Variants in CMPK1 observed in about 807,000 individuals in gnomAD.
The protein encoded by CMPK1 is UMP-CMP kinase.
In CMPK1, 10 loss-of-function variants were observed where a neutral mutation model predicts 25.7. The ratio of observed to expected loss-of-function variants is 0.39; its 90% CI spans 0.24 to 0.66. The LOEUF is 0.66. CMPK1 is among the 30% of genes least tolerant of loss of function. The pLI, the probability that CMPK1 is intolerant of heterozygous loss-of-function variation, is 0.48. For synonymous variants in CMPK1, 106 were observed against 101.5 expected (o/e 1.04, Z -0.27); for missense variants, 199 against 280.5 (o/e 0.71, Z 2.08).
intron 1 of CMPK1, among the ~76,000 whole-genome samples, chr1:47,354,896 G>T (rs1345886510): frequency 1.3e-5 from 2 of 151,980 alleles, no homozygotes; most frequent in Non-Finnish European, 2.9e-5. Flanking sequence ...TAAATAATTT[G>T]CCCAAGACTG....
In CMPK1 at chr1:47,339,047, C is replaced by CTTTT. The variant is rs397965092; in HGVS notation, c.171+4944_171+4947dup. Among the ~76,000 whole-genome samples, 1,070 of 142,896 alleles carry CTTTT rather than the reference C, an allele frequency of 7.5e-3. 12 individuals are homozygous for CTTTT. The highest frequency in any genetic ancestry group is 0.026 in the African/African-American group (1,003 of 38,590). 93.7% of individuals were successfully genotyped at this position (142,896 alleles called of 152,430 possible). A position where few individuals can be genotyped will look rare whatever the true frequency, so the allele number is the denominator to read the frequency against. On this transcript the variant is annotated intron_variant, in intron 1 of 5. Transcript: ENST00000371873. ...ATTGCTTTCTGTAGCACCCAGAAAA[C>CTTTT]TTTTTTTTTTTTTTTTGAGAGAGGG...
At chr1:47,338,656 G>T (rs1221588844) in intron 1 of CMPK1, among the ~76,000 whole-genome samples, 3 of 140,970 alleles carry the variant, frequency 2.1e-5, no homozygotes, top group Non-Finnish European at 4.6e-5. Flanking sequence ...TGGAGAATTT[G>T]TTTTATTTTC....
Position 47,359,390 on chromosome 1 carries a change from T to TTC in CMPK1, c.172-9078_172-9077insCT, listed in dbSNP as rs1553189274. On this transcript the variant is annotated intron_variant, in intron 1 of 5. Coordinates refer to ENST00000371873, the MANE Select transcript of CMPK1 (RefSeq NM_016308.3). ...GGTTGTTAAGAAACCTTTTTTCTTT[T>TTC]TTTTTTTTTTTTTTTGAGATAAAGT... Among the ~76,000 whole-genome samples the TTC allele has an allele frequency of 6.1e-3, 774 of 126,590 alleles. 67 individuals carry two copies. The highest frequency in any genetic ancestry group is 0.032 in the African/African-American group (722 of 22,648). The allele number at this position is 126,590 out of a possible 152,430, so 83.0% of individuals were successfully genotyped here.
At chr1:47,365,864 T>C (rs1397159185) in intron 1 of CMPK1, among the ~76,000 whole-genome samples, 1 of 152,184 alleles carries the variant, frequency 6.6e-6, no homozygotes, top group Non-Finnish European at 1.5e-5. Context: ...GCACTTATTC[T>C]AAATGAATTG....
At chr1:47,375,151 G>A (rs749505722) in intron 4 of CMPK1, 46 bp from the exon 5 acceptor site, 11 of 1,452,214 alleles carry the variant, frequency 7.6e-6, no homozygotes, top group Non-Finnish European at 1.1e-5. Flanking sequence ...ACATGTAGAA[G>A]AAAGGATAGA....
chr1:47,343,841 C>T (rs571469184), intron 1 of CMPK1, among the ~76,000 whole-genome samples: 16 of 151,508 alleles, frequency 1.1e-4, no homozygotes, highest in African/African-American at 3.4e-4. Context: ...GAGCCGAGAT[C>T]GCGCCACTGC....
chr1:47,337,889 G>T (rs11578038), intron 1 of CMPK1, among the ~76,000 whole-genome samples: 26,885 of 152,152 alleles, frequency 0.18, 2,989 homozygotes, highest in East Asian at 0.53. Flanking sequence ...GGGATTACAG[G>T]TGTGAGCCAC....
At chr1:47,363,553 G>A (rs1233240513) in intron 1 of CMPK1, among the ~76,000 whole-genome samples, 4 of 152,218 alleles carry the variant, frequency 2.6e-5, no homozygotes, top group African/African-American at 4.8e-5. Flanking sequence ...CAGGAGAATC[G>A]CTTGAACCCT....
Position 47,374,897 on chromosome 1 carries a change from ATC to A in CMPK1, c.472-8_472-7del, listed in dbSNP as rs766910955. 1.3e-6 allele frequency: 2 copies of A among 1,587,528 alleles called. No homozygotes were observed. The highest frequency in any genetic ancestry group is 2.2e-5 in the South Asian group (2 of 89,546). On this transcript the variant is annotated splice_polypyrimidine_tract_variant and intron_variant, in intron 3 of 5. Transcript: ENST00000371873. ...ATATCTATATTTTTAATAACTTTGT[ATC>A]TCTTTTTAGATTTGTATTGAACGAT...
At chr1:47,340,660 G>A (rs941992220) in intron 1 of CMPK1, among the ~76,000 whole-genome samples, 2 of 149,116 alleles carry the variant, frequency 1.3e-5, no homozygotes, top group South Asian at 2.1e-4. Flanking sequence ...TTTTTTTTTC[G>A]AGGCAGAGTT....
intron 2 of CMPK1, among the ~76,000 whole-genome samples, chr1:47,371,545 A>T (rs1170916290): frequency 6.6e-6 from 1 of 152,112 alleles, no homozygotes; most frequent in Non-Finnish European, 1.5e-5. Flanking sequence ...GTTCTTTATG[A>T]CAGCGTCTCT....
intron 1 of CMPK1, among the ~76,000 whole-genome samples, chr1:47,334,806 C>G (rs116403805): frequency 4.6e-5 from 7 of 152,218 alleles, no homozygotes; most frequent in Admixed American, 2.0e-4. Context: ...TGCCAACTCA[C>G]GCTCGGCCCT....
intron 1 of CMPK1, among the ~76,000 whole-genome samples, chr1:47,355,637 C>T (rs1014335065): frequency 4.1e-5 from 6 of 147,048 alleles, no homozygotes; most frequent in Non-Finnish European, 7.5e-5. Context: ...GACAGAGTCT[C>T]GCTCTGTTGC....
intron 1 of CMPK1, among the ~76,000 whole-genome samples, chr1:47,354,183 T>C (rs994315803): frequency 1.3e-5 from 2 of 151,888 alleles, no homozygotes; most frequent in Non-Finnish European, 2.9e-5. Flanking sequence ...ATGAAAAAAT[T>C]AGCCAGGCAT....
chr1:47,355,593 G>T (rs1646554849), intron 1 of CMPK1, among the ~76,000 whole-genome samples: 1 of 151,998 alleles, frequency 6.6e-6, no homozygotes, highest in African/African-American at 2.4e-5. Context: ...GATTACAGGT[G>T]TGAGCCATCA....
At chr1:47,370,227 T>A (rs1252424501) in intron 2 of CMPK1, among the ~76,000 whole-genome samples, 1 of 151,838 alleles carries the variant, frequency 6.6e-6, no homozygotes, top group Non-Finnish European at 1.5e-5. Context: ...CTTTCTCTGT[T>A]TTTTAACCCA....
chr1:47,333,886 C>G lies in CMPK1; in HGVS notation c.-60C>G, dbSNP rs1646373382. The G allele has an allele frequency of 2.6e-5, 30 of 1,171,950 alleles. 1 individual carries two copies. The South Asian group carries it at 7.4e-4, about 29-fold the overall frequency. The allele number at this position is 1,171,950 out of a possible 1,614,324, so 72.6% of individuals were successfully genotyped here. A position where few individuals can be genotyped will look rare whatever the true frequency, so the allele number is the denominator to read the frequency against. On this transcript the variant is annotated 5_prime_UTR_variant, in exon 1 of 6. Transcript: ENST00000371873. ...CCCCTTTCTCCCGCCGCCTCCCCGC[C>G]CCGCCCCGCGCCGCGCCGGCCGCTG...
intron 2 of CMPK1, among the ~76,000 whole-genome samples, chr1:47,370,782 CAAAAA>C (rs60407679): frequency 8.6e-6 from 1 of 116,422 alleles, no homozygotes; most frequent in African/African-American, 3.5e-5. Context: ...ACTAAAAATA[CAAAAA>C]AAAAAAAAAA....
chr1:47,342,717 T>C (rs1381893519), intron 1 of CMPK1, among the ~76,000 whole-genome samples: 1 of 148,034 alleles, frequency 6.8e-6, no homozygotes, highest in Non-Finnish European at 1.5e-5. Flanking sequence ...TGGTGCCATC[T>C]CAGCTCACTG....
Sources: allele counts gnomAD v4.1 joint callset (sites outside exome capture counted in the v4.1 genomes callset), GRCh38; gene constraint gnomAD v4.1.1; transcripts MANE v1.5; gene names NCBI Gene and HGNC (gene_info 2026-07-23, HGNC 2026-07-21).